CDK17: variants seen among roughly 807,000 people sequenced by gnomAD.
The protein encoded by CDK17 is cyclin-dependent kinase 17.
Under a neutral mutation model 77.6 loss-of-function variants are expected in CDK17, and 24 were observed. The observed-to-expected ratio is 0.31, with a 90% CI of 0.22 to 0.44. CDK17 has a LOEUF of 0.44. CDK17 is among the 20% of genes least tolerant of loss of function. CDK17 has a pLI of 1.00. For synonymous variants in CDK17, 203 were observed against 210.4 expected, an observed-to-expected ratio of 0.96 and a Z score of 0.30; for missense variants, 429 against 622.5, an observed-to-expected ratio of 0.69 and a Z score of 3.31.
intron 1 of CDK17, among the ~76,000 whole-genome samples, chr12:96,341,685 T>G (rs755876104): frequency 2.6e-4 from 39 of 152,294 alleles, no homozygotes; most frequent in Non-Finnish European, 3.8e-4. Context: ...CCAACTCAGT[T>G]TGGGCCTTAG....
At chr12:96,388,161 G>A (rs890158689) in intron 1 of CDK17, among the ~76,000 whole-genome samples, 1 of 151,730 alleles carries the variant, frequency 6.6e-6, no homozygotes, top group Admixed American at 6.6e-5. Context: ...TCATAAACAA[G>A]GAAAGCAAAT....
intron 13 of CDK17, among the ~76,000 whole-genome samples, chr12:96,284,222 G>A (rs1952215245): frequency 1.3e-5 from 2 of 152,114 alleles, no homozygotes; most frequent in African/African-American, 4.8e-5. Context: ...TGTAATCCCA[G>A]CACTTTGGGA....
At chr12:96,290,154 G>C (rs1952305734) in intron 10 of CDK17, among the ~76,000 whole-genome samples, 1 of 152,226 alleles carries the variant, frequency 6.6e-6, no homozygotes, top group South Asian at 2.1e-4. Flanking sequence ...CTTGCTGTAA[G>C]TGATATAAAA....
chr12:96,300,438 C>G, intron 5 of CDK17, 78 bp from the exon 6 acceptor site: 1 of 870,098 alleles, frequency 1.1e-6, no homozygotes, highest in Non-Finnish European at 1.8e-6. Context: ...ACTCTGTTGC[C>G]CAGGCTGGAG....
intron 1 of CDK17, among the ~76,000 whole-genome samples, chr12:96,394,629 A>G (rs965697628): frequency 6.6e-6 from 1 of 152,032 alleles, no homozygotes; most frequent in African/African-American, 2.4e-5. Context: ...AGCCTGGCCA[A>G]CATGGTGAAA....
chr12:96,303,786 G>A (rs1952539704), intron 5 of CDK17, among the ~76,000 whole-genome samples: 1 of 152,038 alleles, frequency 6.6e-6, no homozygotes, highest in African/African-American at 2.4e-5. Context: ...TTTGGATCTA[G>A]CAACATAATT....
chr12:96,396,699 T>C (rs1954174924), intron 1 of CDK17, among the ~76,000 whole-genome samples: 1 of 152,178 alleles, frequency 6.6e-6, no homozygotes, highest in Non-Finnish European at 1.5e-5. Flanking sequence ...ACAGGTAAAA[T>C]TCCCTAGAGA....
chr12:96,339,042 C>T (rs1953086508), intron 1 of CDK17, among the ~76,000 whole-genome samples: 1 of 152,042 alleles, frequency 6.6e-6, no homozygotes, highest in Non-Finnish European at 1.5e-5. Context: ...ACAGACATCA[C>T]CACTTCAGAA....
intron 5 of CDK17, among the ~76,000 whole-genome samples, chr12:96,304,845 G>GT (rs78807709): frequency 0.14 from 21,022 of 152,156 alleles, 1,621 homozygotes; most frequent in South Asian, 0.28. Context: ...GCTGAGAGAT[G>GT]TAAGGACTTG....
rs1296802895 is a variant in CDK17, at chr12:96,362,418, C to G, written c.-29-27553G>C. Among the ~76,000 whole-genome samples, 12 of 151,954 alleles carry G rather than the reference C, an allele frequency of 7.9e-5. 1 individual carries two copies. On this transcript the variant is annotated intron_variant, in intron 1 of 16. Transcript: ENST00000261211. ...ATTTTTAGTAGAGACGGAGTTTTAC[C>G]ACATTGGCCAGGCTGGTCTCAAACT...
At chr12:96,394,794 G>A (rs1160754576) in intron 1 of CDK17, among the ~76,000 whole-genome samples, 4 of 127,362 alleles carry the variant, frequency 3.1e-5, no homozygotes, top group Admixed American at 8.6e-5. Context: ...GAGAGACTCC[G>A]TCTCAAAAAA....
chr12:96,399,827 C>G (rs921068139), intron 1 of CDK17, among the ~76,000 whole-genome samples, 159 bp downstream of exon 1: 6 of 151,902 alleles, frequency 3.9e-5, no homozygotes, highest in Admixed American at 3.3e-4. Context: ...GCACGCTAGC[C>G]CCCCGCGCCG....
At chr12:96,388,274 A>T (rs530738653) in intron 1 of CDK17, among the ~76,000 whole-genome samples, 12 of 152,370 alleles carry the variant, frequency 7.9e-5, no homozygotes, top group African/African-American at 2.9e-4. Flanking sequence ...GTTGGCCCTA[A>T]GGAAAGCTTA....
At chr12:96,318,445 G>T (rs201747215) in intron 3 of CDK17, among the ~76,000 whole-genome samples, 1 of 114,542 alleles carries the variant, frequency 8.7e-6, no homozygotes, top group African/African-American at 3.2e-5. Flanking sequence ...TGCACCAAGC[G>T]GACCTAATAG....
intron 1 of CDK17, among the ~76,000 whole-genome samples, chr12:96,354,016 G>A (rs1592748890): frequency 6.6e-6 from 1 of 152,124 alleles, no homozygotes. Flanking sequence ...GAAACTTGAC[G>A]AATACTTAAA....
intron 1 of CDK17, among the ~76,000 whole-genome samples, chr12:96,348,463 G>T (rs1222626905): frequency 6.9e-6 from 1 of 145,592 alleles, no homozygotes; most frequent in Non-Finnish European, 1.5e-5. Flanking sequence ...GGTGGAGGTT[G>T]CAGCGAGCCG....
chr12:96,351,357 C>G (rs959456924), intron 1 of CDK17, among the ~76,000 whole-genome samples: 3 of 150,620 alleles, frequency 2.0e-5, no homozygotes, highest in African/African-American at 7.3e-5. Flanking sequence ...CAAACAGATA[C>G]TTGTACACCA....
chr12:96,307,944 C>G (rs1270309495), intron 5 of CDK17, among the ~76,000 whole-genome samples: 1 of 152,034 alleles, frequency 6.6e-6, no homozygotes, highest in Admixed American at 6.6e-5. Context: ...ATGCTTATAC[C>G]AAAATCAAGT....
intron 1 of CDK17, among the ~76,000 whole-genome samples, chr12:96,355,392 C>T (rs11108478): frequency 0.9 from 126,818 of 140,676 alleles, 57,171 homozygotes; most frequent in East Asian, 0.95. Flanking sequence ...TAACATTCTA[C>T]ATTGGGTTTT....
Sources: gnomAD v4.1 joint callset for allele counts (sites outside exome capture counted in the v4.1 genomes callset) on GRCh38, gnomAD v4.1.1 for gene constraint, MANE v1.5 for transcripts, NCBI Gene and HGNC (gene_info 2026-07-23, HGNC 2026-07-21) for gene names.